The following TSPAN7 variants were observed in gnomAD, a reference collection of about 807,000 sequenced individuals.
The protein encoded by TSPAN7 is tetraspanin 7, also known as tetraspanin-7.
TSPAN7 carries 1 observed loss-of-function variant against 17.6 expected under a neutral mutation model. The observed-to-expected ratio is 0.06, with a 90% confidence interval of 0.02 to 0.27. The LOEUF is 0.27. Among genes scored for constraint, TSPAN7 ranks in the 10% least tolerant of loss-of-function variants. The pLI is 1.00. For synonymous variants in TSPAN7, 78 were observed against 79.0 expected, an observed-to-expected ratio of 0.99 and a Z score of 0.07; for missense variants, 112 against 201.7, an observed-to-expected ratio of 0.56 and a Z score of 2.69.
At chrX:38,613,792 C>A (rs2069435531) in intron 1 of TSPAN7, among the ~76,000 whole-genome samples, 1 of 110,544 alleles carries the variant, frequency 9.0e-6, no homozygotes. Flanking sequence ...AGGAAATAAT[C>A]CTTTGGATAT....
intron 1 of TSPAN7, among the ~76,000 whole-genome samples, chrX:38,584,442 A>G (rs2069246911): frequency 9.0e-6 from 1 of 111,704 alleles, no homozygotes; most frequent in South Asian, 3.8e-4. Flanking sequence ...TGAAACTCAC[A>G]TGATCCTTTA....
chrX:38,664,242 A>T (rs1276534497), intron 1 of TSPAN7, among the ~76,000 whole-genome samples: 1 of 111,736 alleles, frequency 8.9e-6, no homozygotes, highest in Admixed American at 9.5e-5. Context: ...AAATGAAAAA[A>T]ATATATTTTT....
intron 6 of TSPAN7, 47 bp downstream of exon 6, chrX:38,681,334 T>A: frequency 9.4e-7 from 1 of 1,065,504 alleles, no homozygotes; most frequent in Non-Finnish European, 1.3e-6. Flanking sequence ...TTCCTCTGCC[T>A]CCCTCCCTGG....
chrX:38,677,024 T>C (rs2069858134), intron 5 of TSPAN7, among the ~76,000 whole-genome samples: 1 of 111,953 alleles, frequency 8.9e-6, no homozygotes, highest in East Asian at 2.8e-4. Context: ...ATATTTGATA[T>C]AACAGAGCTT....
intron 1 of TSPAN7, among the ~76,000 whole-genome samples, chrX:38,643,225 G>T (rs1178656203): frequency 9.1e-6 from 1 of 110,408 alleles, no homozygotes; most frequent in Non-Finnish European, 1.9e-5. Context: ...TAGAACATTA[G>T]TAGTGGAGGA....
intron 1 of TSPAN7, among the ~76,000 whole-genome samples, chrX:38,655,639 C>T (rs1341373391): frequency 1.8e-5 from 2 of 111,143 alleles, no homozygotes; most frequent in Non-Finnish European, 3.8e-5. Context: ...AGGTCCTCTT[C>T]TAACATTATG....
intron 7 of TSPAN7, 91 bp downstream of exon 7, chrX:38,687,765 G>C (rs2069934675): frequency 1.4e-6 from 1 of 708,880 alleles, no homozygotes; most frequent in Non-Finnish European, 2.1e-6. Flanking sequence ...CCTGGCCATT[G>C]AGCTACCTGA....
At chrX:38,614,459 C>G (rs2069441784) in intron 1 of TSPAN7, among the ~76,000 whole-genome samples, 1 of 112,547 alleles carries the variant, frequency 8.9e-6, no homozygotes, top group African/African-American at 3.2e-5. Context: ...TTTTGAAACC[C>G]TGTGAAGGTT....
chrX:38,592,169 C>G (rs1300937278), intron 1 of TSPAN7, among the ~76,000 whole-genome samples: 1 of 111,674 alleles, frequency 9.0e-6, no homozygotes, highest in Non-Finnish European at 1.9e-5. Flanking sequence ...CAGTCACCCC[C>G]TGTCAGGCCC....
At chrX:38,576,203 G>A (rs189974635) in intron 1 of TSPAN7, among the ~76,000 whole-genome samples, 37 of 111,714 alleles carry the variant, frequency 3.3e-4, no homozygotes, top group Admixed American at 3.1e-3. Flanking sequence ...TGTTCTAGGG[G>A]ATACAACTAG....
At chrX:38,684,970 A>G (rs1176203838) in intron 6 of TSPAN7, among the ~76,000 whole-genome samples, 2 of 112,048 alleles carry the variant, frequency 1.8e-5, no homozygotes, top group Non-Finnish European at 3.8e-5. Context: ...AAAAGACTTC[A>G]GTCTGTGAAA....
rs1212481709 is a variant in TSPAN7 at position 38,604,479 on chromosome X, A to G, written c.81+42852A>G. 2.7e-5 allele frequency among the ~76,000 whole-genome samples: 3 copies of G among 110,640 alleles called. No individual in the cohort carries two copies. In the East Asian group the frequency reaches 8.7e-4, roughly 32 times the overall value. On this transcript the variant is annotated intron_variant, in intron 1 of 7. Transcript: ENST00000378482. ...TTCCACAAGGGTTGAACTAGTTTACAGTCCCACCAACAGTGTAAAAGTGTT... is the reference window on the plus strand; with the variant it reads ...TTCCACAAGGGTTGAACTAGTTTACGGTCCCACCAACAGTGTAAAAGTGTT...
intron 1 of TSPAN7, among the ~76,000 whole-genome samples, chrX:38,665,399 G>A (rs1322085593): frequency 9.0e-6 from 1 of 111,396 alleles, no homozygotes; most frequent in African/African-American, 3.3e-5. Context: ...GCCTGCAGGG[G>A]GTGGGGTGTT....
At chrX:38,577,523 A>G (rs1292082322) in intron 1 of TSPAN7, among the ~76,000 whole-genome samples, 1 of 108,481 alleles carries the variant, frequency 9.2e-6, no homozygotes, top group Admixed American at 9.9e-5. Flanking sequence ...AGGGACATGG[A>G]TGAAGCTGGA....
At chrX:38,608,802 C>T (rs2069400575) in intron 1 of TSPAN7, among the ~76,000 whole-genome samples, 1 of 111,344 alleles carries the variant, frequency 9.0e-6, no homozygotes, top group African/African-American at 3.3e-5. Context: ...GATTAATATC[C>T]TTATTTCCCA....
At chrX:38,564,580 A>G (rs1041896536) in intron 1 of TSPAN7, among the ~76,000 whole-genome samples, 2 of 112,110 alleles carry the variant, frequency 1.8e-5, no homozygotes, top group Admixed American at 1.9e-4. Context: ...TCACAAAGCA[A>G]AGCACTCCTT....
At chrX:38,670,425 G>T in intron 2 of TSPAN7, among the ~76,000 whole-genome samples, 1 of 112,199 alleles carries the variant, frequency 8.9e-6, no homozygotes, top group Non-Finnish European at 1.9e-5. Flanking sequence ...CAAAAAACTT[G>T]AGAAGTATCA....
At chrX:38,634,621 G>A (rs1002807869) in intron 1 of TSPAN7, among the ~76,000 whole-genome samples, 1 of 111,548 alleles carries the variant, frequency 9.0e-6, no homozygotes, top group African/African-American at 3.3e-5. Flanking sequence ...TAAGTGGGCT[G>A]GAGAAAACCA....
chrX:38,617,371 A>T (rs1313029774), intron 1 of TSPAN7, among the ~76,000 whole-genome samples: 1 of 113,021 alleles, frequency 8.8e-6, no homozygotes, highest in Non-Finnish European at 1.9e-5. Context: ...ACAAATTTAT[A>T]TTGAGTAAAG....
Sources: allele counts gnomAD v4.1 joint callset (sites outside exome capture counted in the v4.1 genomes callset), GRCh38; gene constraint gnomAD v4.1.1; transcripts MANE v1.5; gene names NCBI Gene and HGNC (gene_info 2026-07-23, HGNC 2026-07-21).